PDZD2: variants seen among roughly 807,000 people sequenced by gnomAD.
The protein encoded by PDZD2 is PDZ domain containing 2, also known as PDZ domain-containing protein 2.
PDZD2 carries 90 observed loss-of-function variants against 220.7 expected under a neutral mutation model. The ratio of observed to expected loss-of-function variants is 0.41; its 90% CI spans 0.34 to 0.49. PDZD2 has a LOEUF of 0.49. Ranked by LOEUF, PDZD2 falls within the 20% of genes least tolerant of loss-of-function variation. The pLI, the probability that PDZD2 is intolerant of heterozygous loss-of-function variation, is 0.28. For missense variants in PDZD2, 3,174 were observed against 3,608.5 expected (o/e 0.88, Z 3.08); for synonymous variants, 1,375 against 1,450.5 (o/e 0.95, Z 1.18).
intron 1 of PDZD2, among the ~76,000 whole-genome samples, chr5:31,694,315 C>G (rs866324200): frequency 5.9e-4 from 90 of 152,176 alleles, no homozygotes; most frequent in African/African-American, 2.0e-3. Flanking sequence ...TCATTTGAAC[C>G]CAAGAGGCGG....
intron 1 of PDZD2, among the ~76,000 whole-genome samples, chr5:31,776,396 G>A (rs1752645079): frequency 6.6e-6 from 1 of 152,172 alleles, no homozygotes; most frequent in Admixed American, 6.5e-5. Context: ...GTCTCACTCA[G>A]TGCACAGACA....
intron 18 of PDZD2, among the ~76,000 whole-genome samples, chr5:32,075,064 G>A (rs562903082): frequency 1.3e-5 from 2 of 152,142 alleles, no homozygotes; most frequent in African/African-American, 4.8e-5. Context: ...CACCTGCCTC[G>A]GCCTCCTGAA....
At chr5:31,671,960 A>C (rs1285595943) in intron 1 of PDZD2, among the ~76,000 whole-genome samples, 1 of 152,182 alleles carries the variant, frequency 6.6e-6, no homozygotes, top group African/African-American at 2.4e-5. Context: ...CACCTAGATC[A>C]GGGGATTCTC....
chr5:31,748,625 G>A (rs1209770410), intron 1 of PDZD2, among the ~76,000 whole-genome samples: 3 of 152,202 alleles, frequency 2.0e-5, no homozygotes, highest in Non-Finnish European at 2.9e-5. Flanking sequence ...GGGAAAGGCT[G>A]TTCCCTGCAT....
At position 32,089,786 on chromosome 5, in the gene PDZD2, A is replaced by G. The variant is rs1472459932; in HGVS notation, c.6338A>G (p.Asp2113Gly). The change falls in exon 20 of 25, where the codon GAC becomes GGC. Residue 2113 changes from aspartate to glycine, a missense_variant. Around this residue, in one of 4 missense-constraint regions of PDZD2, gnomAD observed 1,861 missense variants for 2,001.0 expected, o/e 0.93. Coordinates refer to ENST00000438447, the MANE Select transcript of PDZD2 (RefSeq NM_178140.4). ...TVCGNKPAES[D>G]RRGGCLAQGN... ...TGTGGTAACAAGCCAGCTGAAAGCGACAGACGGGGAGGGTGCTTGGCCCAG... is the reference window on the plus strand; with the variant it reads ...TGTGGTAACAAGCCAGCTGAAAGCGGCAGACGGGGAGGGTGCTTGGCCCAG... The G allele has an allele frequency of 6.2e-7, 1 of 1,614,224 alleles. No individual in the cohort carries two copies. The highest frequency in any genetic ancestry group is 1.7e-5 in the Admixed American group (1 of 60,024).
At chr5:32,034,705 A>T (rs575169236) in intron 6 of PDZD2, among the ~76,000 whole-genome samples, 10 of 152,190 alleles carry the variant, frequency 6.6e-5, no homozygotes, top group African/African-American at 2.4e-4. Context: ...CACAGTCTGG[A>T]GACAGTATGG....
chr5:31,888,065 A>T (rs982545332), intron 2 of PDZD2, among the ~76,000 whole-genome samples: 9 of 152,196 alleles, frequency 5.9e-5, no homozygotes, highest in Non-Finnish European at 1.0e-4. Context: ...CATTTACAGC[A>T]GTGGAATTTG....
At chr5:31,884,500 A>G (rs1316638384) in intron 2 of PDZD2, among the ~76,000 whole-genome samples, 1 of 152,208 alleles carries the variant, frequency 6.6e-6, no homozygotes. Context: ...AGCCTCAGCC[A>G]GGGCAGGTCT....
At chr5:32,101,455 A>G (rs528462828) in intron 24 of PDZD2, among the ~76,000 whole-genome samples, 1 of 152,314 alleles carries the variant, frequency 6.6e-6, no homozygotes, top group Non-Finnish European at 1.5e-5. Flanking sequence ...CTATTTTACA[A>G]AAGGAGAAAC....
At chr5:31,713,609 C>A (rs1380290684) in intron 1 of PDZD2, among the ~76,000 whole-genome samples, 1 of 152,178 alleles carries the variant, frequency 6.6e-6, no homozygotes, top group African/African-American at 2.4e-5. Context: ...TGAGTGAGTT[C>A]TTCCTCTATT....
At position 32,037,131 on chromosome 5, in the gene PDZD2, T is replaced by C. The variant is rs368954734; in HGVS notation, c.1408-100T>C. 3.2e-5 allele frequency: 23 copies of C among 722,470 alleles called. No homozygotes were observed. In the East Asian group the frequency reaches 3.5e-4, roughly 11 times the overall value. 44.8% of individuals were successfully genotyped at this position (722,470 alleles called of 1,614,324 possible). A position where few individuals can be genotyped will look rare whatever the true frequency, so the allele number is the denominator to read the frequency against. On this transcript the variant is annotated intron_variant, in intron 6 of 24. Transcript: ENST00000438447. ...TCCTTCTTCTCACATAACACCTGTA[T>C]TGCTGCTCCTTGAGCCTTGAGATAA...
intron 21 of PDZD2, among the ~76,000 whole-genome samples, chr5:32,096,146 A>T (rs1453392416): frequency 6.6e-6 from 1 of 152,156 alleles, no homozygotes; most frequent in Admixed American, 6.5e-5. Flanking sequence ...TAGAAGCTGG[A>T]CAAAGACCAT....
intron 1 of PDZD2, among the ~76,000 whole-genome samples, chr5:31,672,540 G>A (rs1296878193): frequency 1.3e-5 from 2 of 152,214 alleles, no homozygotes; most frequent in African/African-American, 2.4e-5. Context: ...TGTCCAGGGA[G>A]AAGCTAGCCT....
Position 31,818,016 on chromosome 5 carries a change from C to T in PDZD2, c.476+18292C>T, listed in dbSNP as rs1335275280. Among the ~76,000 whole-genome samples, 3 of 131,202 alleles carry T rather than the reference C, an allele frequency of 2.3e-5. No homozygotes were observed. The East Asian group carries it at 6.4e-4, about 28-fold the overall frequency. 86.1% of individuals were successfully genotyped at this position (131,202 alleles called of 152,430 possible). A position where few individuals can be genotyped will look rare whatever the true frequency, so the allele number is the denominator to read the frequency against. On this transcript the variant is annotated intron_variant, in intron 2 of 24. Coordinates refer to ENST00000438447, the MANE Select transcript of PDZD2 (RefSeq NM_178140.4). ...ACAAGGTCTGTGTCTGTCACTCAAGCTGGAGTGCAATGGCACGATCACGGC... is the reference window on the plus strand; with the variant it reads ...ACAAGGTCTGTGTCTGTCACTCAAGTTGGAGTGCAATGGCACGATCACGGC...
chr5:32,037,609 C>T (rs1726593701), intron 7 of PDZD2, among the ~76,000 whole-genome samples: 2 of 152,040 alleles, frequency 1.3e-5, no homozygotes, highest in African/African-American at 2.4e-5. Context: ...ATGTTTGGTT[C>T]GTTTACTTCG....
intron 2 of PDZD2, among the ~76,000 whole-genome samples, chr5:31,917,896 C>T (rs112733941): frequency 3.3e-5 from 5 of 152,268 alleles, no homozygotes; most frequent in South Asian, 2.1e-4. Flanking sequence ...TGTGCCCCTA[C>T]ACCCAGCTAA....
At position 31,855,234 on chromosome 5, in the gene PDZD2, T is replaced by G. The variant is rs186034010; in HGVS notation, c.476+55510T>G. The G allele has an allele frequency of 2.0e-3, 970 of 490,922 alleles. 9 individuals carry two copies. Among genetic ancestry groups the G allele is most frequent in the African/African-American group, 0.018 (877 of 48,126 alleles). The allele number at this position is 490,922 out of a possible 1,614,324, so 30.4% of individuals were successfully genotyped here. ...GATCTGATCCAGGTCGGGTGCAGACTGGGGCTGAATCCACAAATGTGGAGA... is the reference window on the plus strand; with the variant it reads ...GATCTGATCCAGGTCGGGTGCAGACGGGGGCTGAATCCACAAATGTGGAGA... On this transcript the variant is annotated intron_variant, in intron 2 of 24. Coordinates refer to ENST00000438447, the MANE Select transcript of PDZD2 (RefSeq NM_178140.4).
Position 31,689,330 on chromosome 5 carries a change from C to CATATGCATATATATAT in PDZD2, c.-361+49897_-361+49898insGCATATATATATATAT, listed in dbSNP as rs1375688425. Among the ~76,000 whole-genome samples the CATATGCATATATATAT allele has an allele frequency of 1.8e-3, 104 of 58,558 alleles. 10 individuals carry two copies. Among genetic ancestry groups the CATATGCATATATATAT allele is most frequent in the African/African-American group, 3.6e-3 (35 of 9,806 alleles). 38.4% of individuals were successfully genotyped at this position (58,558 alleles called of 152,430 possible). ...ATACATACATATACACATATATATA[C>CATATGCATATATATAT]ATATACATATATATATATATATATT... is the stretch of plus-strand genomic sequence containing the variant. On this transcript the variant is annotated intron_variant, in intron 1 of 24. Coordinates refer to ENST00000438447, the MANE Select transcript of PDZD2 (RefSeq NM_178140.4).
In PDZD2 at chr5:31,760,839, T is replaced by G. The variant is rs191868293; in HGVS notation, c.-360-38050T>G. 2.8e-3 allele frequency among the ~76,000 whole-genome samples: 433 copies of G among 152,230 alleles called. 2 individuals are homozygous for G. The highest frequency in any genetic ancestry group is 9.7e-3 in the African/African-American group (403 of 41,536). On this transcript the variant is annotated intron_variant, in intron 1 of 24. Coordinates refer to ENST00000438447, the MANE Select transcript of PDZD2 (RefSeq NM_178140.4). ...TGGGAGGCTGAGGTGGGAGAATTGCTTGAGCCCACGAGGCAGAGGTTGCAG... is the reference window on the plus strand; with the variant it reads ...TGGGAGGCTGAGGTGGGAGAATTGCGTGAGCCCACGAGGCAGAGGTTGCAG...
Sources: gnomAD v4.1 joint callset for allele counts (sites outside exome capture counted in the v4.1 genomes callset) on GRCh38, gnomAD v4.1.1 for gene constraint, gnomAD v4.1.1 regional missense constraint, MANE v1.5 for transcripts, NCBI Gene and HGNC (gene_info 2026-07-23, HGNC 2026-07-21) for gene names.